COPG2: variants seen among roughly 807,000 people sequenced by gnomAD.
COPG2 encodes the protein coatomer subunit gamma-2.
COPG2 carries 37 observed loss-of-function variants against 46.3 expected under a neutral mutation model. The observed-to-expected ratio is 0.80, with a 90% CI of 0.61 to 1.05. COPG2 has a LOEUF of 1.05. Among genes scored for constraint, COPG2 ranks in the 50% least tolerant of loss-of-function variants. COPG2 has a pLI of 0.00. For missense variants in COPG2, 427 were observed against 387.8 expected (o/e 1.10, Z -0.85); for synonymous variants, 159 against 129.7 (o/e 1.23, Z -1.53).
At chr7:130,651,494 A>ATTTTTTTTTTTTTT (rs59572019) in intron 5 of COPG2, among the ~76,000 whole-genome samples, 15 of 57,240 alleles carry the variant, frequency 2.6e-4, no homozygotes, top group African/African-American at 5.0e-4. Flanking sequence ...ATTTTTTTGT[A>ATTTTTTTTTTTTTT]TTTTTTTTTT....
At chr7:130,555,179 C>T (rs895052681) in intron 12 of COPG2, 47 bp from the exon 13 acceptor site, 33 of 397,182 alleles carry the variant, frequency 8.3e-5, no homozygotes, top group African/African-American at 3.5e-4. Flanking sequence ...TGTACAACTA[C>T]CACCTATAAA....
chr7:130,665,943 A>C (rs1796070548), intron 3 of COPG2, among the ~76,000 whole-genome samples: 1 of 152,120 alleles, frequency 6.6e-6, no homozygotes, highest in Non-Finnish European at 1.5e-5. Context: ...CTATATCCCC[A>C]ACACCTAAAA....
intron 4 of COPG2, 53 bp from the exon 5 acceptor site, chr7:130,653,001 T>A (rs1317067324): frequency 7.9e-7 from 1 of 1,264,744 alleles, no homozygotes; most frequent in Non-Finnish European, 1.1e-6. Flanking sequence ...AATGGTTTTT[T>A]AAATTATTTG....
chr7:130,558,511 G>A (rs1793666962), intron 12 of COPG2, among the ~76,000 whole-genome samples: 3 of 152,112 alleles, frequency 2.0e-5, no homozygotes, highest in South Asian at 2.1e-4. Context: ...AGTCTCAGGT[G>A]TTTCTTTATA....
At chr7:130,522,344 G>T (rs1367945778) in intron 20 of COPG2, among the ~76,000 whole-genome samples, 1 of 152,132 alleles carries the variant, frequency 6.6e-6, no homozygotes, top group African/African-American at 2.4e-5. Context: ...TGCATGATGG[G>T]GATAAGAGGA....
chr7:130,625,014 A>C (rs1462535607), intron 5 of COPG2, among the ~76,000 whole-genome samples: 1 of 152,200 alleles, frequency 6.6e-6, no homozygotes, highest in African/African-American at 2.4e-5. Flanking sequence ...GGTTGTACTA[A>C]TTTACATTCC....
chr7:130,653,022 C>T lies in COPG2; in HGVS notation c.244-74G>A, dbSNP rs577913401. On this transcript the variant is annotated intron_variant, in intron 4 of 23. Coordinates refer to ENST00000425248, the MANE Select transcript of COPG2 (RefSeq NM_012133.6). Reference sequence around the variant, plus strand: ...TTTTTAAATTATTTGAAGTGAGGACCCCAAGTAGATATATATTTTAGAAAG... The same window carrying T: ...TTTTTAAATTATTTGAAGTGAGGACTCCAAGTAGATATATATTTTAGAAAG... 7.9e-6 allele frequency: 7 copies of T among 887,756 alleles called. No individual in the cohort carries two copies. In the East Asian group the frequency reaches 1.6e-4, roughly 20 times the overall value. 55.0% of individuals were successfully genotyped at this position (887,756 alleles called of 1,614,324 possible).
At chr7:130,667,677 G>T in intron 1 of COPG2, 143 bp from the exon 2 acceptor site, 1 of 527,534 alleles carries the variant, frequency 1.9e-6, no homozygotes, top group Non-Finnish European at 3.3e-6. Flanking sequence ...CATACGAACT[G>T]AATGAAATCA....
chr7:130,572,089 G>T (rs1220825014), intron 9 of COPG2, among the ~76,000 whole-genome samples: 1 of 152,016 alleles, frequency 6.6e-6, no homozygotes, highest in Non-Finnish European at 1.5e-5. Context: ...TGGGGACTTG[G>T]GGGGAAGAGA....
chr7:130,666,554 T>C (rs527276366), intron 3 of COPG2, among the ~76,000 whole-genome samples: 1 of 152,316 alleles, frequency 6.6e-6, no homozygotes, highest in South Asian at 2.1e-4. Flanking sequence ...GGATTTCAGA[T>C]ACTCAGATTA....
At chr7:130,562,821 C>CA (rs1248113130) in intron 11 of COPG2, among the ~76,000 whole-genome samples, 1 of 152,076 alleles carries the variant, frequency 6.6e-6, no homozygotes. Context: ...ATGTGATTCA[C>CA]AGTGGGTTTC....
At chr7:130,558,560 G>C (rs1191759993) in intron 12 of COPG2, among the ~76,000 whole-genome samples, 1 of 152,112 alleles carries the variant, frequency 6.6e-6, no homozygotes, top group Non-Finnish European at 1.5e-5. Flanking sequence ...ATCTTGCTCT[G>C]TTGCCCAGGA....
chr7:130,628,117 T>C (rs1028205864), intron 5 of COPG2, among the ~76,000 whole-genome samples: 1 of 152,144 alleles, frequency 6.6e-6, no homozygotes, highest in South Asian at 2.1e-4. Context: ...TGTTAGTTTG[T>C]TTTCTGTTTT....
intron 9 of COPG2, among the ~76,000 whole-genome samples, chr7:130,572,818 C>T (rs1301598594): frequency 1.3e-5 from 2 of 151,506 alleles, no homozygotes; most frequent in Non-Finnish European, 2.9e-5. Context: ...AAGAGTAAGC[C>T]TGCAGCAAGC....
rs782706647 is a variant in COPG2, at chr7:130,666,908, G to C, written c.112C>G (p.Pro38Ala). 2 of 1,562,080 alleles carry C rather than the reference G, an allele frequency of 1.3e-6. No individual in the cohort carries two copies. Among genetic ancestry groups the C allele is most frequent in the Non-Finnish European group, 1.7e-6 (2 of 1,144,152 alleles). ...TGCAAACATCTTCTTGGATTGATTG[G>C]AGTTTCATTGAATATACGAGCCTAT... The part of the protein sequence containing the change: ...LQEARIFNET[P>A]INPRRCLHIL... Residue 38 changes from proline (P) to alanine (A), a missense_variant, in exon 3 of 24, where the codon CCA becomes GCA. Coordinates refer to ENST00000425248, the MANE Select transcript of COPG2 (RefSeq NM_012133.6).
chr7:130,546,560 A>G (rs1048654785), intron 20 of COPG2, among the ~76,000 whole-genome samples: 9 of 152,210 alleles, frequency 5.9e-5, no homozygotes, highest in African/African-American at 2.2e-4. Context: ...GAATAGAAGT[A>G]GAGTTCCACC....
chr7:130,510,241 G>T (rs781795481), intron 20 of COPG2: 9 of 518,540 alleles, frequency 1.7e-5, no homozygotes, highest in Admixed American at 1.4e-4. Flanking sequence ...ATGGCAGTGG[G>T]TTTTCCCATA....
chr7:130,523,647 G>A (rs1315232475), intron 20 of COPG2, among the ~76,000 whole-genome samples: 6 of 152,178 alleles, frequency 3.9e-5, no homozygotes, highest in Admixed American at 1.3e-4. Context: ...TGGTGCAGCT[G>A]GGGTTTCCAA....
rs567725939 is a variant in COPG2 at position 130,510,825 on chromosome 7, G to T, written c.2150-2166C>A. 3 of 473,004 alleles carry T rather than the reference G, an allele frequency of 6.3e-6. No homozygotes were observed. In the Admixed American group the frequency reaches 6.7e-5, roughly 11 times the overall value. The allele number at this position is 473,004 out of a possible 1,614,324, so 29.3% of individuals were successfully genotyped here. Reference sequence around the variant, plus strand: ...TGTCGAAGCTGCTGGAGAGGATGACGAAATGGGGCGAGGAGGCAAGATGCG... The same window carrying T: ...TGTCGAAGCTGCTGGAGAGGATGACTAAATGGGGCGAGGAGGCAAGATGCG... On this transcript the variant is annotated intron_variant, in intron 20 of 23. Transcript: ENST00000425248.
Sources: gnomAD v4.1 joint callset for allele counts (sites outside exome capture counted in the v4.1 genomes callset) on GRCh38, gnomAD v4.1.1 for gene constraint, MANE v1.5 for transcripts, NCBI Gene and HGNC (gene_info 2026-07-23, HGNC 2026-07-21) for gene names.